CORIN: variants seen among roughly 807,000 people sequenced by gnomAD.
The protein encoded by CORIN is corin, serine peptidase, also known as atrial natriuretic peptide-converting enzyme.
In CORIN, 117 loss-of-function variants were observed where a neutral mutation model predicts 125.3. The observed-to-expected ratio is 0.93, with a 90% CI of 0.80 to 1.09. CORIN has a LOEUF of 1.09. CORIN is among the 50% of genes least tolerant of loss of function. The pLI, the probability that CORIN is intolerant of heterozygous loss-of-function variation, is 0.00. For missense variants in CORIN, 1,253 were observed against 1,306.7 expected, an observed-to-expected ratio of 0.96 and a Z score of 0.63; for synonymous variants, 450 against 466.4, an observed-to-expected ratio of 0.96 and a Z score of 0.45.
intron 12 of CORIN, among the ~76,000 whole-genome samples, chr4:47,657,443 G>C (rs1322745028): frequency 6.7e-6 from 1 of 150,296 alleles, no homozygotes; most frequent in African/African-American, 2.5e-5. Context: ...GCTGAGGCAG[G>C]AGAATGGCGA....
intron 2 of CORIN, among the ~76,000 whole-genome samples, chr4:47,805,381 GA>G (rs1214998509): frequency 6.6e-6 from 1 of 151,968 alleles, no homozygotes; most frequent in Non-Finnish European, 1.5e-5. Flanking sequence ...ACCCAAGCCA[GA>G]AATCCAGGAG....
intron 4 of CORIN, among the ~76,000 whole-genome samples, chr4:47,761,952 G>A (rs565437466): frequency 7.2e-5 from 11 of 151,942 alleles, no homozygotes; most frequent in South Asian, 2.1e-4. Context: ...ACAATATAGC[G>A]ACACCCCATC....
At chr4:47,822,198 C>G (rs564454381) in intron 1 of CORIN, among the ~76,000 whole-genome samples, 61 of 152,248 alleles carry the variant, frequency 4.0e-4, no homozygotes, top group Non-Finnish European at 7.5e-4. Flanking sequence ...ATTTAAAACA[C>G]ACATGTTTAC....
At chr4:47,623,061 T>C (rs949455964) in intron 19 of CORIN, among the ~76,000 whole-genome samples, 2 of 135,554 alleles carry the variant, frequency 1.5e-5, no homozygotes, top group African/African-American at 2.8e-5. Flanking sequence ...TAAAATGGCA[T>C]AACATAACCT....
intron 19 of CORIN, among the ~76,000 whole-genome samples, chr4:47,621,824 TG>T (rs1722320854): frequency 6.6e-6 from 1 of 152,186 alleles, no homozygotes; most frequent in South Asian, 2.1e-4. Context: ...ATGATGTGGA[TG>T]GGCCTTACCC....
At chr4:47,812,722 G>A (rs559483611) in intron 1 of CORIN, among the ~76,000 whole-genome samples, 1 of 152,246 alleles carries the variant, frequency 6.6e-6, no homozygotes, top group South Asian at 2.1e-4. Flanking sequence ...TCTATTTCTT[G>A]CTATATATGC....
Position 47,678,015 on chromosome 4 carries a change from T to C in CORIN, c.1172A>G (p.Gln391Arg), listed in dbSNP as rs765460690. The C allele has an allele frequency of 2.5e-6, 4 of 1,613,958 alleles. No individual in the cohort carries two copies. The African/African-American group carries it at 5.3e-5, about 22-fold the overall frequency. The change falls in exon 9 of 22, where the codon CAA becomes CGA. Residue 391 changes from glutamine (Q) to arginine (R), a missense_variant. Coordinates refer to ENST00000273857, the MANE Select transcript of CORIN (RefSeq NM_006587.4). ...ACATTGAAACGTGCTGGGGATACATTGTCCATTTCTGCATTCCACCAGACC... is the reference window on the plus strand; with the variant it reads ...ACATTGAAACGTGCTGGGGATACATCGTCCATTTCTGCATTCCACCAGACC... ...SQGLVECRNG[Q>R]CIPSTFQCDG...
intron 2 of CORIN, among the ~76,000 whole-genome samples, chr4:47,798,295 G>A (rs189629197): frequency 1.8e-3 from 267 of 152,204 alleles, no homozygotes; most frequent in Non-Finnish European, 3.1e-3. Context: ...TTAGAGACAC[G>A]TAGTACATCT....
chr4:47,626,648 A>G, intron 16 of CORIN, 127 bp from the exon 17 acceptor site: 1 of 721,656 alleles, frequency 1.4e-6, no homozygotes, highest in African/African-American at 1.7e-5. Context: ...CAAGAGGAGA[A>G]TTTGGACTGT....
chr4:47,598,492 T>A (rs1408478862), intron 21 of CORIN, among the ~76,000 whole-genome samples: 1 of 152,194 alleles, frequency 6.6e-6, no homozygotes, highest in Non-Finnish European at 1.5e-5. Flanking sequence ...CCCATGCCTG[T>A]GTCTGTGGGC....
intron 2 of CORIN, among the ~76,000 whole-genome samples, chr4:47,787,280 AC>A (rs371230038): frequency 1.3e-5 from 2 of 152,198 alleles, no homozygotes; most frequent in African/African-American, 4.8e-5. Flanking sequence ...GGTGAATCTT[AC>A]AGCATTCTCT....
At position 47,679,767 on chromosome 4, in the gene CORIN, G is replaced by A. The variant is rs534890839; in HGVS notation, c.1132+374C>T. 1.8e-5 allele frequency: 3 copies of A among 167,956 alleles called. No individual in the cohort carries two copies. In the Admixed American group the frequency reaches 1.9e-4, roughly 10 times the overall value. 10.4% of individuals were successfully genotyped at this position (167,956 alleles called of 1,614,324 possible). A position where few individuals can be genotyped will look rare whatever the true frequency, so the allele number is the denominator to read the frequency against. On this transcript the variant is annotated intron_variant, in intron 8 of 21. Coordinates refer to ENST00000273857, the MANE Select transcript of CORIN (RefSeq NM_006587.4). ...AAACATGTTAGGGCACTCCTGCAGG[G>A]AAGCTTAACTACTCATGTATTGTTT... is the stretch of plus-strand genomic sequence containing the variant.
At chr4:47,609,810 G>A (rs1721803736) in intron 19 of CORIN, among the ~76,000 whole-genome samples, 1 of 152,158 alleles carries the variant, frequency 6.6e-6, no homozygotes, top group Non-Finnish European at 1.5e-5. Flanking sequence ...ATGTGTCCAT[G>A]TGTTCTCATC....
intron 4 of CORIN, among the ~76,000 whole-genome samples, chr4:47,745,284 TCAAGGCCACGGACTTGCTTC>T (rs1406810075): frequency 6.6e-6 from 1 of 152,214 alleles, no homozygotes; most frequent in Non-Finnish European, 1.5e-5. Flanking sequence ...ACTAACAAAG[TCAAGGCCACGGACTTGCTTC>T]CTTGCAGACC....
intron 16 of CORIN, 46 bp from the exon 17 acceptor site, chr4:47,626,567 T>A: frequency 8.8e-7 from 1 of 1,138,944 alleles, no homozygotes; most frequent in Non-Finnish European, 1.3e-6. Flanking sequence ...TACAATGATC[T>A]TTGAACAGGC....
intron 19 of CORIN, among the ~76,000 whole-genome samples, chr4:47,612,261 T>A (rs981249434): frequency 2.0e-5 from 3 of 151,994 alleles, no homozygotes; most frequent in Non-Finnish European, 4.4e-5. Context: ...ACAGACTGTG[T>A]CACATCACAA....
chr4:47,612,334 G>T (rs1308570119), intron 19 of CORIN, among the ~76,000 whole-genome samples: 2 of 152,168 alleles, frequency 1.3e-5, no homozygotes, highest in African/African-American at 2.4e-5. Flanking sequence ...ATGTTGGAAT[G>T]CTCAGTGGAA....
Position 47,693,089 on chromosome 4 carries a change from A to T in CORIN, c.800-6T>A, listed in dbSNP as rs1278679296. Reference sequence around the variant, plus strand: ...CTCACCCCTTCCACAGAGCACTAAAAAAAAAGGGCAGGAAATAATGTCAGA... The same window carrying T: ...CTCACCCCTTCCACAGAGCACTAAATAAAAAGGGCAGGAAATAATGTCAGA... On this transcript the variant is annotated splice_region_variant and splice_polypyrimidine_tract_variant and intron_variant, in intron 5 of 21. Coordinates refer to ENST00000273857, the MANE Select transcript of CORIN (RefSeq NM_006587.4). 1 of 1,574,456 alleles carries T rather than the reference A, an allele frequency of 6.4e-7. No individual in the cohort carries two copies. The highest frequency in any genetic ancestry group is 8.7e-7 in the Non-Finnish European group (1 of 1,144,730).
intron 4 of CORIN, among the ~76,000 whole-genome samples, chr4:47,759,079 G>A (rs1729328568): frequency 6.6e-6 from 1 of 152,096 alleles, no homozygotes; most frequent in South Asian, 2.1e-4. Context: ...TTTTTGACAA[G>A]GTGCCAAGAA....
Sources: allele counts gnomAD v4.1 joint callset (sites outside exome capture counted in the v4.1 genomes callset), GRCh38; gene constraint gnomAD v4.1.1; transcripts MANE v1.5; gene names NCBI Gene and HGNC (gene_info 2026-07-23, HGNC 2026-07-21).